Variants in ADGRV1 observed in about 807,000 individuals in gnomAD.
ADGRV1 encodes the protein G-protein coupled receptor 98.
In ADGRV1, 359 loss-of-function variants were observed where a neutral mutation model predicts 596.2. That is an observed-to-expected ratio of 0.60 (90% CI 0.55 to 0.66). ADGRV1 has a LOEUF of 0.66. Among genes scored for constraint, ADGRV1 ranks in the 30% least tolerant of loss-of-function variants. The probability of loss-of-function intolerance (pLI) is 0.00; values close to 1 mark genes in which losing one functional copy is unlikely to be tolerated. For synonymous variants in ADGRV1, 2,681 were observed against 2,679.2 expected (o/e 1.00, Z -0.02); for missense variants, 7,274 against 7,575.6 (o/e 0.96, Z 1.48).
chr5:90,574,570 G>T (rs969086937), intron 1 of ADGRV1, among the ~76,000 whole-genome samples: 3 of 152,130 alleles, frequency 2.0e-5, no homozygotes, highest in African/African-American at 4.8e-5. Context: ...GGATTTTCTA[G>T]ATATAGAATC....
At chr5:91,119,003 C>A (rs60160510) in intron 87 of ADGRV1, among the ~76,000 whole-genome samples, 1 of 152,110 alleles carries the variant, frequency 6.6e-6, no homozygotes, top group African/African-American at 2.4e-5. Context: ...CTATCTTGAT[C>A]ATTCTCATAC....
intron 83 of ADGRV1, among the ~76,000 whole-genome samples, chr5:90,951,012 T>C (rs1269975612): frequency 6.6e-6 from 1 of 152,132 alleles, no homozygotes; most frequent in Non-Finnish European, 1.5e-5. Context: ...GAGCAAGCAA[T>C]TGTGTTATAA....
At chr5:90,956,493 GAC>G (rs1173955834) in intron 83 of ADGRV1, among the ~76,000 whole-genome samples, 5 of 152,132 alleles carry the variant, frequency 3.3e-5, no homozygotes, top group African/African-American at 9.7e-5. Context: ...CAGATATAGA[GAC>G]TGTTTTGTTT....
chr5:90,852,903 G>A (rs1182797642), intron 79 of ADGRV1, among the ~76,000 whole-genome samples: 1 of 152,174 alleles, frequency 6.6e-6, no homozygotes, highest in Non-Finnish European at 1.5e-5. Flanking sequence ...AAGGGCTTTA[G>A]CTCAGTGGGG....
chr5:90,584,693 T>G (rs370979999), intron 1 of ADGRV1, among the ~76,000 whole-genome samples: 2 of 152,246 alleles, frequency 1.3e-5, no homozygotes, highest in Admixed American at 1.3e-4. Context: ...CTAGGTGTCC[T>G]GAGCAGTCAT....
chr5:90,651,225 TAAGA>T (rs1291454398), intron 17 of ADGRV1, among the ~76,000 whole-genome samples: 1 of 152,174 alleles, frequency 6.6e-6, no homozygotes, highest in Non-Finnish European at 1.5e-5. Context: ...AGAATCCACC[TAAGA>T]AATTTGAAAA....
intron 86 of ADGRV1, among the ~76,000 whole-genome samples, chr5:91,081,398 C>T (rs1019279667): frequency 1.3e-5 from 2 of 152,142 alleles, no homozygotes; most frequent in African/African-American, 4.8e-5. Flanking sequence ...CAATTCTTGT[C>T]TATCCCCATT....
At chr5:90,701,043 C>T (rs1302984433) in intron 34 of ADGRV1, among the ~76,000 whole-genome samples, 1 of 152,078 alleles carries the variant, frequency 6.6e-6, no homozygotes, top group Non-Finnish European at 1.5e-5. Flanking sequence ...TAGTCCTAGA[C>T]ACCATGTAAC....
chr5:90,685,999 A>T lies in ADGRV1; in HGVS notation c.6490+4A>T. 6 of 1,560,018 alleles carry T rather than the reference A, an allele frequency of 3.8e-6. No individual in the cohort carries two copies. The highest frequency in any genetic ancestry group is 5.2e-6 in the Non-Finnish European group (6 of 1,147,848). On this transcript the variant is annotated splice_donor_region_variant and intron_variant, in intron 29 of 89. Coordinates refer to ENST00000405460, the MANE Select transcript of ADGRV1 (RefSeq NM_032119.4). ...GTGCCAATAACTGCAATAGCTGGTA[A>T]GAAAAGACATCTAAAAAGCAGTACA...
intron 53 of ADGRV1, among the ~76,000 whole-genome samples, 187 bp downstream of exon 53, chr5:90,750,884 A>T (rs904322488): frequency 4.6e-5 from 7 of 152,114 alleles, no homozygotes; most frequent in Non-Finnish European, 7.4e-5. Flanking sequence ...GTTCTTTTTT[A>T]AAAAAATATA....
chr5:91,040,598 T>A (rs2151272770), intron 85 of ADGRV1, among the ~76,000 whole-genome samples: 1 of 152,332 alleles, frequency 6.6e-6, no homozygotes, highest in Non-Finnish European at 1.5e-5. Context: ...TCATCATACA[T>A]ACATGGCATC....
intron 1 of ADGRV1, among the ~76,000 whole-genome samples, chr5:90,577,265 C>G (rs1023628217): frequency 1.3e-5 from 2 of 152,148 alleles, no homozygotes; most frequent in Non-Finnish European, 2.9e-5. Context: ...ACATTTAAGT[C>G]TTTAATCCAT....
At chr5:91,141,547 AAG>A (rs1161924196) in intron 87 of ADGRV1, among the ~76,000 whole-genome samples, 1 of 152,226 alleles carries the variant, frequency 6.6e-6, no homozygotes, top group Non-Finnish European at 1.5e-5. Flanking sequence ...TATTGTAAAT[AAG>A]ACCATCAACA....
chr5:90,644,609 GT>G, intron 14 of ADGRV1, 96 bp from the exon 15 acceptor site: 1 of 915,682 alleles, frequency 1.1e-6, no homozygotes, highest in East Asian at 2.6e-5. Context: ...AAAAAGAGGT[GT>G]TGTTTTTATT....
chr5:90,725,183 C>T lies in ADGRV1; in HGVS notation c.10004C>T (p.Pro3335Leu). The T allele has an allele frequency of 1.3e-6, 2 of 1,547,158 alleles. No homozygotes were observed. The highest frequency in any genetic ancestry group is 1.8e-6 in the Non-Finnish European group (2 of 1,141,892). The change falls in exon 47 of 90, where the codon CCT becomes CTT. Residue 3335 changes from proline (P) to leucine (L), a missense_variant. Pro to Leu is a moderately conservative substitution (Grantham distance 98, BLOSUM62 -3). Transcript: ENST00000405460. ...ITHEERNEEK[P>L]SLNSVFTFTS... ...CATGAAGAAAGAAATGAAGAAAAGC[C>T]TTCTCTTAACAGTGTGTTTACATTC...
chr5:90,723,359 A>G (rs1751339153), intron 45 of ADGRV1, among the ~76,000 whole-genome samples: 1 of 152,062 alleles, frequency 6.6e-6, no homozygotes, highest in African/African-American at 2.4e-5. Flanking sequence ...GAAAAAGGAG[A>G]TAATTAATAG....
chr5:90,748,446 A>G (rs574630792), intron 52 of ADGRV1, among the ~76,000 whole-genome samples: 286 of 144,662 alleles, frequency 2.0e-3, no homozygotes, highest in Non-Finnish European at 3.5e-3. Context: ...ATTATTGAGG[A>G]AATAGTTTAC....
chr5:90,848,817 G>A lies in ADGRV1; in HGVS notation c.17200G>A (p.Glu5734Lys). 6.3e-7 allele frequency: 1 copy of A among 1,578,932 alleles called. No homozygotes were observed. Among genetic ancestry groups the A allele is most frequent in the Non-Finnish European group, 8.6e-7 (1 of 1,167,306 alleles). The change falls in exon 79 of 90, where the codon GAA (glutamate) becomes AAA (lysine). Residue 5734 changes from glutamate (E) to lysine (K), a missense_variant. By Grantham distance (56) the Glu-to-Lys change is moderately conservative (BLOSUM62 1). Coordinates refer to ENST00000405460, the MANE Select transcript of ADGRV1 (RefSeq NM_032119.4). ...LTNVTCGSPG[E>K]KSKTILDSCP... ...TAATGTTACTTGCGGCTCTCCTGGT[G>A]AAAAGTAAGTATCTTTTAATATATT...
chr5:90,662,898 G>C (rs576166827), intron 21 of ADGRV1, among the ~76,000 whole-genome samples: 1 of 151,890 alleles, frequency 6.6e-6, no homozygotes, highest in South Asian at 2.1e-4. Flanking sequence ...TACTGAGAAT[G>C]ATGATTTCCA....
Sources: allele counts gnomAD v4.1 joint callset (sites outside exome capture counted in the v4.1 genomes callset), GRCh38; gene constraint gnomAD v4.1.1; transcripts MANE v1.5; gene names NCBI Gene and HGNC (gene_info 2026-07-23, HGNC 2026-07-21).